The following PRR33 variants were observed in gnomAD, a reference collection of about 807,000 sequenced individuals.
PRR33 encodes proline-rich protein 33.
A neutral mutation model predicts 0.5 loss-of-function variants in PRR33; 1 was observed. The ratio of observed to expected loss-of-function variants is 2.18; its 90% CI spans 0.77 to 10.34. PRR33 has a LOEUF of 10.34. Ranked by LOEUF, PRR33 falls within the 30% of genes most tolerant of loss-of-function variation. The pLI is 0.13. For missense variants in PRR33, 552 were observed against 251.8 expected, an observed-to-expected ratio of 2.19 and a Z score of -8.07; for synonymous variants, 226 against 110.0, an observed-to-expected ratio of 2.06 and a Z score of -6.60.
the PRR33 span, among the ~76,000 whole-genome samples, chr11:1,916,053 G>GAGGA: frequency 2.6e-5 from 4 of 151,978 alleles, no homozygotes; most frequent in Non-Finnish European, 5.9e-5. Flanking sequence ...GAGAAGGAGG[G>GAGGA]AGGAAGGAAG....
the PRR33 span, among the ~76,000 whole-genome samples, chr11:1,900,627 C>T: frequency 6.6e-6 from 1 of 152,164 alleles, no homozygotes; most frequent in Non-Finnish European, 1.5e-5. Flanking sequence ...GTAAAATGGT[C>T]ATGGTTAAAG....
chr11:1,906,472 T>C, the PRR33 span, among the ~76,000 whole-genome samples: 2 of 152,234 alleles, frequency 1.3e-5, no homozygotes, highest in African/African-American at 4.8e-5. Flanking sequence ...TAATTTTTTA[T>C]TGGAATGCAG....
chr11:1,897,148 G>A, the PRR33 span, among the ~76,000 whole-genome samples: 4 of 152,336 alleles, frequency 2.6e-5, no homozygotes, highest in South Asian at 8.3e-4. The surrounding 1 kb of genome is among the most constrained non-coding windows in gnomAD (Gnocchi z 4.0). Context: ...GAAACCTGGT[G>A]AGTGGCACAA....
At chr11:1,898,929 A>T in the PRR33 span, among the ~76,000 whole-genome samples, 1 of 152,098 alleles carries the variant, frequency 6.6e-6, no homozygotes, top group Non-Finnish European at 1.5e-5. Flanking sequence ...TGAACCTGGG[A>T]GGCAAAGGTT....
At chr11:1,890,298 G>C (rs1848942224) in exon 1 of PRR33, 4 of 711,882 alleles carry the variant, frequency 5.6e-6, no homozygotes, top group African/African-American at 3.5e-5. Context: ...TGGGGCTTCA[G>C]GAAGGCGTGG....
chr11:1,889,391 G>A, exon 1 of PRR33: 1 of 696,262 alleles, frequency 1.4e-6, no homozygotes, highest in Non-Finnish European at 2.7e-6. Flanking sequence ...CCCACATCCT[G>A]GAGGTCCGGG....
At chr11:1,888,156 G>A (rs1375338415) in exon 1 of PRR33, among the ~76,000 whole-genome samples, 1 of 152,134 alleles carries the variant, frequency 6.6e-6, no homozygotes, top group African/African-American at 2.4e-5. Context: ...ACAGGGTGGG[G>A]CAGCTGTCCT....
exon 1 of PRR33, chr11:1,890,326 G>A (rs1314174179): frequency 1.4e-6 from 1 of 712,934 alleles, no homozygotes; most frequent in East Asian, 2.7e-5. Flanking sequence ...GCGGGGTGCG[G>A]GCCCTCAGCA....
chr11:1,914,126 G>T, the PRR33 span, among the ~76,000 whole-genome samples: 1 of 152,270 alleles, frequency 6.6e-6, no homozygotes, highest in Non-Finnish European at 1.5e-5. Flanking sequence ...CTGGTTGGGC[G>T]CAGCGTAGCT....
chr11:1,917,157 G>A, the PRR33 span, among the ~76,000 whole-genome samples: 2 of 152,328 alleles, frequency 1.3e-5, no homozygotes, highest in East Asian at 3.9e-4. Context: ...GCCTGGCAGT[G>A]ATTGAGCCCA....
upstream of PRR33, among the ~76,000 whole-genome samples, chr11:1,895,781 T>C (rs1488573214): frequency 6.6e-6 from 1 of 152,214 alleles, no homozygotes; most frequent in East Asian, 1.9e-4. Context: ...TGTTCCAGAA[T>C]ATGAAATTGC....
chr11:1,898,276 C>T, the PRR33 span, among the ~76,000 whole-genome samples: 3 of 151,620 alleles, frequency 2.0e-5, no homozygotes, highest in East Asian at 5.8e-4. Flanking sequence ...GCTCCGTCGG[C>T]TGGAGTGCAG....
At chr11:1,888,889 A>G (rs1848865231) in exon 1 of PRR33, 2 of 414,334 alleles carry the variant, frequency 4.8e-6, no homozygotes, top group Non-Finnish European at 8.6e-6. Context: ...CCCGACGCAG[A>G]CCCCTTCTCT....
At chr11:1,915,925 AATG>A in the PRR33 span, among the ~76,000 whole-genome samples, 3 of 146,530 alleles carry the variant, frequency 2.0e-5, no homozygotes, top group Non-Finnish European at 3.0e-5. Flanking sequence ...TGGATAGACT[AATG>A]ATGGATGGAT....
At chr11:1,914,072 G>A in the PRR33 span, among the ~76,000 whole-genome samples, 3 of 152,388 alleles carry the variant, frequency 2.0e-5, no homozygotes, top group South Asian at 2.1e-4. Flanking sequence ...GATTTCACCC[G>A]GGCGTACCCC....
At chr11:1,892,394 A>G (rs1849037239), upstream of PRR33, 1 of 152,236 alleles carries the variant, frequency 6.6e-6, no homozygotes, top group Non-Finnish European at 1.5e-5. Flanking sequence ...GACCTGTCTC[A>G]TGGCCTTTGC....
chr11:1,902,750 C>T, the PRR33 span: 16 of 152,242 alleles, frequency 1.1e-4, no homozygotes, highest in African/African-American at 3.6e-4. Flanking sequence ...AAAGCAAAAA[C>T]AAGTTTACTA....
chr11:1,904,295 G>A, the PRR33 span, among the ~76,000 whole-genome samples: 3 of 152,308 alleles, frequency 2.0e-5, no homozygotes, highest in East Asian at 1.9e-4. Flanking sequence ...TTGGGAGGCC[G>A]AGGCGGGTGG....
the PRR33 span, among the ~76,000 whole-genome samples, chr11:1,901,942 C>T: frequency 6.6e-5 from 10 of 152,094 alleles, no homozygotes; most frequent in Middle Eastern, 3.2e-3. Context: ...TTGCAAAAAC[C>T]ACAATTATGG....
Sources: gnomAD v4.1 joint callset for allele counts (sites outside exome capture counted in the v4.1 genomes callset) on GRCh38, gnomAD v4.1.1 for gene constraint, Gnocchi (gnomAD v3.1) non-coding constraint, MANE v1.5 for transcripts, NCBI Gene and HGNC (gene_info 2026-07-23, HGNC 2026-07-21) for gene names.